Variants in ZIM2 observed in about 807,000 individuals in gnomAD.
The protein encoded by ZIM2 is zinc finger imprinted 2.
ZIM2 carries 14 observed loss-of-function variants against 38.6 expected under a neutral mutation model. The ratio of observed to expected loss-of-function variants is 0.36; its 90% CI spans 0.24 to 0.57. The LOEUF (loss-of-function observed/expected upper bound fraction) is 0.57. Among genes scored for constraint, ZIM2 ranks in the 20% least tolerant of loss-of-function variants. ZIM2 has a pLI of 0.81. For missense variants in ZIM2, 680 were observed against 695.1 expected (o/e 0.98, Z 0.24); for synonymous variants, 247 against 245.8 (o/e 1.00, Z -0.04).
intron 1 of ZIM2, among the ~76,000 whole-genome samples, chr19:56,839,500 C>T (rs1486987725): frequency 6.6e-6 from 1 of 151,860 alleles, no homozygotes; most frequent in Non-Finnish European, 1.5e-5. Context: ...CACCAACCAA[C>T]CAGGGGAGCA....
intron 2 of ZIM2, among the ~76,000 whole-genome samples, chr19:56,830,548 T>G (rs1021843974): frequency 2.6e-5 from 4 of 152,172 alleles, no homozygotes; most frequent in African/African-American, 9.7e-5. Context: ...GGGACAGCTA[T>G]ACCACAACTA....
Position 56,775,087 on chromosome 19 carries a change from C to T in ZIM2, c.1278G>A (p.Gln426=). The change falls in exon 13 of 13, where the codon CAG becomes CAA. Residue 426 remains glutamine (Q), a synonymous_variant. Coordinates refer to ENST00000629319, the MANE Select transcript of ZIM2 (RefSeq NM_001387356.1). ...TTACACGTTCACAGAGATTCGCACA[C>T]TGGACGGAAGGCTTTCTACCTTCAT... ...GCNEGRKPSV[Q]CANLCERVRI... The T allele has an allele frequency of 6.2e-7, 1 of 1,614,154 alleles. No individual in the cohort carries two copies. Among genetic ancestry groups the T allele is most frequent in the Non-Finnish European group, 8.5e-7 (1 of 1,180,042 alleles).
chr19:56,795,312 G>T (rs1447645683), intron 9 of ZIM2, among the ~76,000 whole-genome samples: 2 of 152,202 alleles, frequency 1.3e-5, no homozygotes, highest in Non-Finnish European at 2.9e-5. Context: ...CCCCAGTAGG[G>T]CCCGCCGCGG....
chr19:56,826,269 G>T (rs2061021452), intron 3 of ZIM2, 119 bp downstream of exon 3: 1 of 152,240 alleles, frequency 6.6e-6, no homozygotes, highest in South Asian at 2.1e-4. Flanking sequence ...AGGGAGACAG[G>T]CAAGGGCAGA....
rs764482053 is a variant in ZIM2, at chr19:56,824,266, T to A, written c.12A>T (p.Pro4=). The change falls in exon 4 of 13, where the codon CCA becomes CCT. Residue 4 remains proline (P), a synonymous_variant. Transcript: ENST00000629319. ...ACACCCCGTGGAGACTCTCACCTTC[T>A]GGTTGGTACATCTCCTTGTAATTCT... is the stretch of plus-strand genomic sequence containing the variant. MYQ[P]EDDNNSDVTS... 2 of 1,613,226 alleles carry A rather than the reference T, an allele frequency of 1.2e-6. No individual in the cohort carries two copies. The highest frequency in any genetic ancestry group is 8.5e-7 in the Non-Finnish European group (1 of 1,179,544).
chr19:56,815,869 T>C, intron 9 of ZIM2: 1 of 1,613,526 alleles, frequency 6.2e-7, no homozygotes, highest in Non-Finnish European at 8.5e-7. Context: ...GGATTCTCCC[T>C]TCTCATTAGA....
intron 2 of ZIM2, among the ~76,000 whole-genome samples, chr19:56,828,258 T>C: frequency 6.6e-6 from 1 of 152,170 alleles, no homozygotes; most frequent in East Asian, 1.9e-4. Context: ...AAAGTCAATT[T>C]AGAAAACCCT....
At chr19:56,829,916 C>T (rs923492993) in intron 2 of ZIM2, among the ~76,000 whole-genome samples, 2 of 152,238 alleles carry the variant, frequency 1.3e-5, no homozygotes, top group Admixed American at 6.5e-5. Context: ...ACAGCCACGC[C>T]TACCACTGAA....
At chr19:56,815,908 C>T in intron 9 of ZIM2, 1 of 1,611,840 alleles carries the variant, frequency 6.2e-7, no homozygotes, top group Non-Finnish European at 8.5e-7. Flanking sequence ...ATTGTGACTT[C>T]TTGGAGGTTT....
chr19:56,813,340 A>G (rs1460700224), intron 9 of ZIM2: 2 of 1,057,354 alleles, frequency 1.9e-6, no homozygotes, highest in East Asian at 1.2e-4. Context: ...ATGAAACACT[A>G]TATATACGTT....
rs1278297477 is a variant in ZIM2, at chr19:56,836,119, A to C, written c.-313-15T>G. 3 of 461,484 alleles carry C rather than the reference A, an allele frequency of 6.5e-6. No individual in the cohort carries two copies. Among genetic ancestry groups the C allele is most frequent in the African/African-American group, 2.0e-5 (1 of 50,364 alleles). 28.6% of individuals were successfully genotyped at this position (461,484 alleles called of 1,614,324 possible). Reference sequence around the variant, plus strand: ...AGAAGGCAAAGCTGTAGAGGAAAAGAAAATGTGAGACGCCAAGTTTATTTT... The same window carrying C: ...AGAAGGCAAAGCTGTAGAGGAAAAGCAAATGTGAGACGCCAAGTTTATTTT... On this transcript the variant is annotated splice_polypyrimidine_tract_variant and intron_variant, in intron 1 of 12. Coordinates refer to ENST00000629319, the MANE Select transcript of ZIM2 (RefSeq NM_001387356.1).
In ZIM2 at chr19:56,775,513, A is replaced by C; in HGVS notation, c.852T>G (p.Asp284Glu). 2 of 1,611,696 alleles carry C rather than the reference A, an allele frequency of 1.2e-6. No individual in the cohort carries two copies. The highest frequency in any genetic ancestry group is 3.3e-4 in the Middle Eastern group (2 of 6,040). ...TVICQGESHD[D>E]PLEPHQGNQE... ...GGTTGCCCTGGTGTGGTTCCAATGGATCATCATGAGACTCTCCTGCAGAGA... is the reference window on the plus strand; with the variant it reads ...GGTTGCCCTGGTGTGGTTCCAATGGCTCATCATGAGACTCTCCTGCAGAGA... The change falls in exon 13 of 13, where the codon GAT (aspartate) becomes GAG (glutamate). Residue 284 changes from aspartate to glutamate, a missense_variant. By Grantham distance (45) the Asp-to-Glu change is conservative (BLOSUM62 2). Coordinates refer to ENST00000629319, the MANE Select transcript of ZIM2 (RefSeq NM_001387356.1).
intron 1 of ZIM2, among the ~76,000 whole-genome samples, chr19:56,840,281 C>A (rs1298419445): frequency 2.0e-5 from 3 of 152,220 alleles, no homozygotes; most frequent in Non-Finnish European, 2.9e-5. Flanking sequence ...GCGCGGAGAC[C>A]CTGCAGCAGC....
At position 56,775,419 on chromosome 19, in the gene ZIM2, T is replaced by C; in HGVS notation, c.946A>G (p.Ser316Gly). 6.2e-7 allele frequency: 1 copy of C among 1,614,198 alleles called. No individual in the cohort carries two copies. Among genetic ancestry groups the C allele is most frequent in the Non-Finnish European group, 8.5e-7 (1 of 1,180,034 alleles). ...TTAGAGCTTCTCTCAAATTCATCAC[T>C]GCCATAGCTTCTTTCCGGAGTGAGG... The part of the protein sequence containing the change: ...KTLTPERSYG[S>G]DEFERSSNLS... Residue 316 changes from serine to glycine, a missense_variant, in exon 13 of 13, where the codon AGT (serine) becomes GGT (glycine). Physicochemically the swap from Ser to Gly is moderately conservative, Grantham distance 56. Transcript: ENST00000629319.
intron 1 of ZIM2, among the ~76,000 whole-genome samples, chr19:56,839,699 G>C (rs1181490667): frequency 6.6e-6 from 1 of 151,764 alleles, no homozygotes. Context: ...GGCTGGAACA[G>C]ACCATTACAT....
At position 56,816,628 on chromosome 19, in the gene ZIM2, C is replaced by CCGCGCT. The variant is rs759180539; in HGVS notation, c.490+1112_490+1117dup. The stretch of plus-strand genomic sequence containing the variant: ...GGCTGGGCTGGGCCTAAAGGTTTCC[C>CCGCGCT]CGCGCTCACGTTCACGTTCACGTTC... On this transcript the variant is annotated intron_variant, in intron 9 of 12. Coordinates refer to ENST00000629319, the MANE Select transcript of ZIM2 (RefSeq NM_001387356.1). 2.2e-5 allele frequency: 36 copies of CCGCGCT among 1,612,472 alleles called. No homozygotes were observed. The African/African-American group carries it at 2.4e-4, about 11-fold the overall frequency.
rs573929050 is a variant in ZIM2 at position 56,813,222 on chromosome 19, G to T, written c.490+4524C>A. On this transcript the variant is annotated intron_variant, in intron 9 of 12. Coordinates refer to ENST00000629319, the MANE Select transcript of ZIM2 (RefSeq NM_001387356.1). ...CCTCCAAAAAAAAAAAAAATTCAAA[G>T]AATACCAGGTAAGGTACCTCTGCAG... 1,322 of 964,166 alleles carry T rather than the reference G, an allele frequency of 1.4e-3. 18 individuals are homozygous for T. The African/African-American group carries it at 0.022, about 16-fold the overall frequency. The allele number at this position is 964,166 out of a possible 1,614,324, so 59.7% of individuals were successfully genotyped here.
chr19:56,798,928 A>T (rs900023710), intron 9 of ZIM2: 1 of 152,212 alleles, frequency 6.6e-6, no homozygotes, highest in African/African-American at 2.4e-5. Context: ...ATCTCACACC[A>T]GTCAGAATGG....
chr19:56,800,295 A>C (rs970604020), intron 9 of ZIM2, among the ~76,000 whole-genome samples: 2 of 152,224 alleles, frequency 1.3e-5, no homozygotes, highest in Non-Finnish European at 2.9e-5. Flanking sequence ...AAAATCTTAT[A>C]ATTATCTTGA....
Sources: gnomAD v4.1 joint callset for allele counts (sites outside exome capture counted in the v4.1 genomes callset) on GRCh38, gnomAD v4.1.1 for gene constraint, MANE v1.5 for transcripts, NCBI Gene and HGNC (gene_info 2026-07-23, HGNC 2026-07-21) for gene names.